The following ADCY8 variants were observed in gnomAD, a reference collection of about 807,000 sequenced individuals.
ADCY8 encodes the protein adenylate cyclase type 8.
In ADCY8, 51 loss-of-function variants were observed where a neutral mutation model predicts 119.7. The ratio of observed to expected loss-of-function variants is 0.43; its 90% CI spans 0.34 to 0.54. The LOEUF is 0.54. Ranked by LOEUF, ADCY8 falls within the 20% of genes least tolerant of loss-of-function variation. ADCY8 has a pLI of 0.03. For synonymous variants in ADCY8, 665 were observed against 651.0 expected (o/e 1.02, Z -0.33); for missense variants, 1,383 against 1,598.8 (o/e 0.87, Z 2.30).
intron 2 of ADCY8, among the ~76,000 whole-genome samples, chr8:130,985,508 G>T (rs1822376358): frequency 6.6e-6 from 1 of 152,094 alleles, no homozygotes; most frequent in Non-Finnish European, 1.5e-5. Flanking sequence ...TTGAATGTAA[G>T]GAATGAAGAA....
chr8:131,029,680 C>T (rs1823935800), intron 1 of ADCY8, among the ~76,000 whole-genome samples: 1 of 152,194 alleles, frequency 6.6e-6, no homozygotes, highest in Non-Finnish European at 1.5e-5. Flanking sequence ...TTCACGTTAT[C>T]TAATATGTAC....
chr8:130,899,045 A>C (rs2130511216), intron 7 of ADCY8, among the ~76,000 whole-genome samples: 1 of 152,316 alleles, frequency 6.6e-6, no homozygotes, highest in Middle Eastern at 3.4e-3. Context: ...CCTGCTCACT[A>C]TGCTCTAGCC....
chr8:131,027,861 G>A (rs1395989383), intron 1 of ADCY8, among the ~76,000 whole-genome samples: 3 of 152,164 alleles, frequency 2.0e-5, no homozygotes, highest in Non-Finnish European at 2.9e-5. Context: ...ACATTGAAGA[G>A]GTGAATTGAA....
intron 3 of ADCY8, among the ~76,000 whole-genome samples, chr8:130,944,815 T>C (rs1033593982): frequency 6.6e-6 from 1 of 152,382 alleles, no homozygotes; most frequent in East Asian, 1.9e-4. Flanking sequence ...TGTGTTCAGC[T>C]AGGCACTGGA....
In ADCY8 at chr8:130,798,047, G is replaced by T. The variant is rs551131881; in HGVS notation, c.3060+2379C>A. 3.3e-5 allele frequency among the ~76,000 whole-genome samples: 5 copies of T among 152,272 alleles called. No individual in the cohort carries two copies. In the South Asian group the frequency reaches 1.0e-3, roughly 32 times the overall value. The stretch of plus-strand genomic sequence containing the variant: ...CAGCTTTGCTCATTTTTAAAATGAA[G>T]GCTAATAATTCCTAGCCTAAGGGTT... On this transcript the variant is annotated intron_variant, in intron 15 of 17. Transcript: ENST00000286355.
At chr8:130,844,083 A>G (rs897613259) in intron 11 of ADCY8, among the ~76,000 whole-genome samples, 1 of 152,204 alleles carries the variant, frequency 6.6e-6, no homozygotes, top group Non-Finnish European at 1.5e-5. Context: ...CTTTAAAACC[A>G]TAGCAAGCTC....
chr8:131,033,041 G>A (rs1352554949), intron 1 of ADCY8, among the ~76,000 whole-genome samples: 2 of 152,198 alleles, frequency 1.3e-5, no homozygotes, highest in South Asian at 4.1e-4. Context: ...ACACACTTCA[G>A]AAGTGATAAG....
chr8:130,940,357 G>A (rs11775974), intron 4 of ADCY8, among the ~76,000 whole-genome samples: 3,276 of 152,272 alleles, frequency 0.022, 75 homozygotes, highest in South Asian at 0.079. Context: ...TTTATTACTC[G>A]TCTGAGGCAG....
At chr8:131,020,533 G>T (rs533082799) in intron 1 of ADCY8, among the ~76,000 whole-genome samples, 3 of 152,164 alleles carry the variant, frequency 2.0e-5, no homozygotes, top group South Asian at 4.1e-4. Context: ...GACAAAGTTA[G>T]GGACATAGTT....
At chr8:130,891,129 C>T (rs943298072) in intron 7 of ADCY8, among the ~76,000 whole-genome samples, 40 of 152,194 alleles carry the variant, frequency 2.6e-4, no homozygotes, top group African/African-American at 6.5e-4. Context: ...TCTGGGAGCA[C>T]GCTTCCATTA....
chr8:130,968,666 C>T (rs1423926091), intron 2 of ADCY8, among the ~76,000 whole-genome samples: 1 of 152,152 alleles, frequency 6.6e-6, no homozygotes, highest in Non-Finnish European at 1.5e-5. Context: ...TTAAGTAATG[C>T]TTAGGACATC....
At chr8:130,800,631 A>G in intron 14 of ADCY8, 59 bp from the exon 15 acceptor site, 1 of 1,586,482 alleles carries the variant, frequency 6.3e-7, no homozygotes, top group Non-Finnish European at 8.6e-7. Flanking sequence ...TTCTGCAGTG[A>G]TGCTTCCTGT....
chr8:130,825,995 A>T (rs1816658373), intron 12 of ADCY8, among the ~76,000 whole-genome samples: 1 of 152,238 alleles, frequency 6.6e-6, no homozygotes, highest in African/African-American at 2.4e-5. Context: ...CATGGCAACA[A>T]AGTTGGAGAC....
intron 9 of ADCY8, among the ~76,000 whole-genome samples, chr8:130,854,182 T>G (rs1289960419): frequency 6.6e-6 from 1 of 152,206 alleles, no homozygotes; most frequent in African/African-American, 2.4e-5. Context: ...GATTGTACAT[T>G]TTATCTAATT....
In ADCY8 at chr8:130,852,293, A is replaced by G. The variant is rs78337315; in HGVS notation, c.2211-2490T>C. Among the ~76,000 whole-genome samples, 205 of 152,220 alleles carry G rather than the reference A, an allele frequency of 1.3e-3. 1 individual carries two copies. The highest frequency in any genetic ancestry group is 4.7e-3 in the African/African-American group (196 of 41,538). ...TTTTGACTAGCAAAGTTTTGATTTT[A>G]TGGATCACCTTGACAAGAAATCTCT... On this transcript the variant is annotated intron_variant, in intron 9 of 17. Coordinates refer to ENST00000286355, the MANE Select transcript of ADCY8 (RefSeq NM_001115.3).
chr8:130,823,616 A>C (rs566619394), intron 12 of ADCY8, among the ~76,000 whole-genome samples: 2 of 152,364 alleles, frequency 1.3e-5, no homozygotes, highest in East Asian at 3.9e-4. Context: ...TTTCAGGGCT[A>C]TAACAATCTT....
intron 5 of ADCY8, among the ~76,000 whole-genome samples, chr8:130,927,286 C>T (rs1586578506): frequency 6.6e-6 from 1 of 152,140 alleles, no homozygotes; most frequent in East Asian, 1.9e-4. Context: ...AGCAGCTATT[C>T]TAATAGGTGT....
At chr8:130,950,351 G>A (rs1246656227) in intron 3 of ADCY8, among the ~76,000 whole-genome samples, 1 of 152,230 alleles carries the variant, frequency 6.6e-6, no homozygotes, top group Non-Finnish European at 1.5e-5. Flanking sequence ...CAAAGAAGCA[G>A]CAGGAGCAGG....
intron 2 of ADCY8, among the ~76,000 whole-genome samples, chr8:130,983,316 T>C (rs1301936248): frequency 1.3e-5 from 2 of 151,978 alleles, no homozygotes; most frequent in African/African-American, 4.8e-5. Flanking sequence ...GGGTAGGATA[T>C]GGGAAGATAA....
Sources: allele counts gnomAD v4.1 joint callset (sites outside exome capture counted in the v4.1 genomes callset), GRCh38; gene constraint gnomAD v4.1.1; transcripts MANE v1.5; gene names NCBI Gene and HGNC (gene_info 2026-07-23, HGNC 2026-07-21).